The following INSC variants were observed in gnomAD, a reference collection of about 807,000 sequenced individuals.
The protein encoded by INSC is INSC spindle orientation adaptor protein.
A neutral mutation model predicts 58.6 loss-of-function variants in INSC; 67 were observed. That is an observed-to-expected ratio of 1.14 (90% CI 0.94 to 1.40). The LOEUF is 1.40. Among genes scored for constraint, INSC ranks in the 40% most tolerant of loss-of-function variants. INSC has a pLI of 0.00. For missense variants in INSC, 714 were observed against 692.0 expected (o/e 1.03, Z -0.36); for synonymous variants, 262 against 276.1 (o/e 0.95, Z 0.51).
chr11:15,146,633 C>T (rs1299427282), intron 1 of INSC, among the ~76,000 whole-genome samples: 1 of 152,142 alleles, frequency 6.6e-6, no homozygotes, highest in Admixed American at 6.5e-5. Context: ...AGCTAACAGC[C>T]CAGAGGCTCC....
intron 7 of INSC, among the ~76,000 whole-genome samples, chr11:15,207,566 G>A (rs1850854638): frequency 6.6e-6 from 1 of 152,074 alleles, no homozygotes; most frequent in Non-Finnish European, 1.5e-5. Context: ...TGCTGGGCTG[G>A]AAGAGAGATG....
chr11:15,225,846 C>T lies in INSC; in HGVS notation c.1170+18C>T. Reference sequence around the variant, plus strand: ...GGGACCAGGTAAGACGCCCAGAAGGCACTGAGCACAGGGCCCATAGCCATG... The same window carrying T: ...GGGACCAGGTAAGACGCCCAGAAGGTACTGAGCACAGGGCCCATAGCCATG... On this transcript the variant is annotated intron_variant, in intron 9 of 12. Transcript: ENST00000379556. 1 of 1,606,196 alleles carries T rather than the reference C, an allele frequency of 6.2e-7. No homozygotes were observed. Among genetic ancestry groups the T allele is most frequent in the Non-Finnish European group, 8.5e-7 (1 of 1,176,298 alleles).
chr11:15,263,709 GA>G, the INSC span, among the ~76,000 whole-genome samples: 1 of 152,142 alleles, frequency 6.6e-6, no homozygotes, highest in Non-Finnish European at 1.5e-5. Context: ...TGTCTGCTCT[GA>G]GTTTCACAAA....
chr11:15,227,979 C>T (rs957781907), intron 9 of INSC, among the ~76,000 whole-genome samples: 3 of 152,144 alleles, frequency 2.0e-5, no homozygotes, highest in Admixed American at 1.3e-4. Flanking sequence ...AATCATGTCA[C>T]TTTGGGCAAT....
chr11:15,227,108 G>A (rs568561484), intron 9 of INSC, among the ~76,000 whole-genome samples: 1 of 152,312 alleles, frequency 6.6e-6, no homozygotes, highest in African/African-American at 2.4e-5. Flanking sequence ...TGGCTCAAGA[G>A]GATGTCCCCA....
At chr11:15,149,042 T>C in intron 1 of INSC, 88 bp from the exon 2 acceptor site, 1 of 1,426,152 alleles carries the variant, frequency 7.0e-7, no homozygotes, top group Non-Finnish European at 9.2e-7. Flanking sequence ...TTGTCTGCTT[T>C]GGTTCCTTGT....
At chr11:15,112,630 GTGTGTGT>G, upstream of INSC, 1 of 527,800 alleles carries the variant, frequency 1.9e-6, no homozygotes, top group Non-Finnish European at 2.7e-6. Flanking sequence ...GTGTGTGTGT[GTGTGTGT>G]ATTGGGAAGT....
chr11:15,203,300 C>T (rs972942571), intron 7 of INSC, among the ~76,000 whole-genome samples: 1 of 152,156 alleles, frequency 6.6e-6, no homozygotes, highest in African/African-American at 2.4e-5. Context: ...CCCCTCACAT[C>T]CCCAGCTGGC....
chr11:15,189,921 T>C lies in INSC; in HGVS notation c.580-780T>C, dbSNP rs568976691. On this transcript the variant is annotated intron_variant, in intron 5 of 12. Coordinates refer to ENST00000379556, the MANE Select transcript of INSC (RefSeq NM_001042536.3). The stretch of plus-strand genomic sequence containing the variant: ...AAAAACCTTTCCCTCAGAAATTAGC[T>C]GAACTTTTCTAGAAATAATCTTTGT... Among the ~76,000 whole-genome samples the C allele has an allele frequency of 9.2e-5, 14 of 152,370 alleles. No homozygotes were observed. The South Asian group carries it at 2.9e-3, about 32-fold the overall frequency.
At chr11:15,145,735 AGT>A (rs1848476249) in intron 1 of INSC, among the ~76,000 whole-genome samples, 1 of 152,162 alleles carries the variant, frequency 6.6e-6, no homozygotes, top group Admixed American at 6.5e-5. Flanking sequence ...ATATGACTGC[AGT>A]GTTTGCTTTT....
intron 2 of INSC, among the ~76,000 whole-genome samples, chr11:15,164,480 T>G (rs1040843631): frequency 2.0e-5 from 3 of 152,290 alleles, no homozygotes; most frequent in South Asian, 4.1e-4. Flanking sequence ...TCTCAGGAGT[T>G]TCTCCTTAAT....
rs766623706 is a variant in INSC at position 15,221,561 on chromosome 11, G to A, written c.904G>A (p.Ala302Thr). The A allele has an allele frequency of 1.4e-5, 23 of 1,613,892 alleles. No individual in the cohort carries two copies. Among genetic ancestry groups the A allele is most frequent in the Non-Finnish European group, 1.9e-5 (23 of 1,179,970 alleles). Residue 302 changes from alanine (A) to threonine (T), a missense_variant, in exon 8 of 13, where the codon GCC becomes ACC. Ala to Thr is a moderately conservative substitution (Grantham distance 58). Coordinates refer to ENST00000379556, the MANE Select transcript of INSC (RefSeq NM_001042536.3). ...ACGGGCTGAGGCTGCGGCTGTGGTG[G>A]CCCAGGTCACCTCCCCACACCTGCC... Reference protein sequence around the residue: ...ATRAEAAAVVAQVTSPHLPVT... With the variant: ...ATRAEAAAVVTQVTSPHLPVT...
intron 1 of INSC, among the ~76,000 whole-genome samples, chr11:15,127,116 T>C (rs1430291025): frequency 6.6e-6 from 1 of 152,180 alleles, no homozygotes; most frequent in Non-Finnish European, 1.5e-5. Context: ...AAAAAGCCCC[T>C]GCCCAGCTGG....
intron 2 of INSC, among the ~76,000 whole-genome samples, chr11:15,171,040 A>G (rs1299385017): frequency 6.6e-6 from 1 of 152,230 alleles, no homozygotes; most frequent in Non-Finnish European, 1.5e-5. Flanking sequence ...ATAACTAAGT[A>G]TATACCTCCT....
intron 2 of INSC, among the ~76,000 whole-genome samples, chr11:15,161,359 G>A (rs1849013093): frequency 6.6e-6 from 1 of 152,154 alleles, no homozygotes; most frequent in African/African-American, 2.4e-5. Flanking sequence ...AAAATGATAT[G>A]GAACACCAAA....
intron 6 of INSC, among the ~76,000 whole-genome samples, chr11:15,193,566 G>A (rs1227605409): frequency 6.6e-6 from 1 of 152,116 alleles, no homozygotes; most frequent in Non-Finnish European, 1.5e-5. Context: ...CCTTGCAATA[G>A]TTTGCTGAGA....
chr11:15,231,278 C>A (rs1038738283), intron 9 of INSC, among the ~76,000 whole-genome samples: 1 of 152,168 alleles, frequency 6.6e-6, no homozygotes, highest in East Asian at 1.9e-4. Context: ...TGGAGAGAAG[C>A]ACTGGGCTTC....
At chr11:15,265,457 A>G in the INSC span, among the ~76,000 whole-genome samples, 2 of 151,946 alleles carry the variant, frequency 1.3e-5, no homozygotes, top group African/African-American at 4.8e-5. Flanking sequence ...TTTTAGAAGT[A>G]CCAATTCAAT....
chr11:15,246,090 T>C lies in INSC; in HGVS notation c.*50T>C, dbSNP rs754402761. On this transcript the variant is annotated 3_prime_UTR_variant, in exon 13 of 13. Coordinates refer to ENST00000379556, the MANE Select transcript of INSC (RefSeq NM_001042536.3). ...TGGCTGTTCTCACACCCCCTCTGAC[T>C]ATGCACCAGTGAACACATCTGAGTA... is the stretch of plus-strand genomic sequence containing the variant. The C allele has an allele frequency of 1.2e-6, 2 of 1,607,314 alleles. No homozygotes were observed. Among genetic ancestry groups the C allele is most frequent in the Non-Finnish European group, 8.5e-7 (1 of 1,174,668 alleles).
Sources: allele counts gnomAD v4.1 joint callset (sites outside exome capture counted in the v4.1 genomes callset), GRCh38; gene constraint gnomAD v4.1.1; transcripts MANE v1.5; gene names NCBI Gene and HGNC (gene_info 2026-07-23, HGNC 2026-07-21).